The following ZDBF2 variants were observed in gnomAD, a reference collection of about 807,000 sequenced individuals.
ZDBF2 encodes DBF4-type zinc finger-containing protein 2.
ZDBF2 carries 6 observed loss-of-function variants against 9.4 expected under a neutral mutation model. The observed-to-expected ratio is 0.64, with a 90% CI of 0.35 to 1.27. The LOEUF is 1.27. ZDBF2 is among the 50% of genes most tolerant of loss of function. The probability of loss-of-function intolerance (pLI) is 0.03; values close to 1 mark genes in which losing one functional copy is unlikely to be tolerated. For synonymous variants in ZDBF2, 905 were observed against 946.3 expected (o/e 0.96, Z 0.80); for missense variants, 2,697 against 2,766.8 (o/e 0.97, Z 0.57).
At chr2:206,276,986 C>T (rs888609012) in intron 1 of ZDBF2, among the ~76,000 whole-genome samples, 2 of 152,102 alleles carry the variant, frequency 1.3e-5, no homozygotes, top group African/African-American at 4.8e-5. Context: ...TTTATGCATT[C>T]GGCCATTGTT....
At chr2:206,288,853 G>A (rs966127641) in intron 3 of ZDBF2, among the ~76,000 whole-genome samples, 1 of 152,100 alleles carries the variant, frequency 6.6e-6, no homozygotes, top group Non-Finnish European at 1.5e-5. Context: ...TCAGAGCTCA[G>A]TGGCAACTTA....
intron 4 of ZDBF2, 131 bp downstream of exon 4, chr2:206,297,504 C>A: frequency 1.1e-6 from 1 of 891,234 alleles, no homozygotes; most frequent in East Asian, 2.8e-5. Flanking sequence ...TAGTAACTTT[C>A]ATTTGCAATT....
At chr2:206,295,679 T>G (rs1262747468) in intron 3 of ZDBF2, among the ~76,000 whole-genome samples, 3 of 152,148 alleles carry the variant, frequency 2.0e-5, no homozygotes, top group Non-Finnish European at 4.4e-5. Context: ...CAGCCCAGTT[T>G]ACTCTAATTT....
rs1574367482 is a variant in ZDBF2 at position 206,275,461 on chromosome 2, T to C, written c.-103+515T>C. ...TAGTTTATTTGAAAACGTTTGATTT[T>C]TGTGTTAATGATTCTTTTACTACCG... On this transcript the variant is annotated intron_variant, in intron 1 of 4. Coordinates refer to ENST00000374423, the MANE Select transcript of ZDBF2 (RefSeq NM_020923.3). Among the ~76,000 whole-genome samples, 3 of 152,340 alleles carry C rather than the reference T, an allele frequency of 2.0e-5. No individual in the cohort carries two copies. In the East Asian group the frequency reaches 5.8e-4, roughly 29 times the overall value.
chr2:206,297,014 C>T (rs562637808), intron 3 of ZDBF2, among the ~76,000 whole-genome samples: 1 of 152,192 alleles, frequency 6.6e-6, no homozygotes, highest in East Asian at 1.9e-4. Context: ...ATCTTTTTTG[C>T]ATGAATCATT....
rs1321309401 is a variant in ZDBF2, at chr2:206,314,044, T to A, written c.*2451T>A. ...TTAATTTGCAGAATAGATAAAACAA[T>A]TGATGTTTTTGTGTGTTCAAGAATG... On this transcript the variant is annotated 3_prime_UTR_variant, in exon 5 of 5. Transcript: ENST00000374423. 1.3e-5 allele frequency: 2 copies of A among 152,156 alleles called. No homozygotes were observed. The highest frequency in any genetic ancestry group is 3.8e-4 in the East Asian group (2 of 5,198). 9.4% of individuals were successfully genotyped at this position (152,156 alleles called of 1,614,324 possible).
In ZDBF2 at chr2:206,306,935, G is replaced by T; in HGVS notation, c.2407G>T (p.Asp803Tyr). Reference protein sequence around the residue: ...DSDIPLYSVIDQPEVAVYEEE... With the variant: ...DSDIPLYSVIYQPEVAVYEEE... ...TGATATTCCTCTTTATTCAGTAATT[G>T]ACCAACCTGAAGTAGCTGTTTATGA... The change falls in exon 5 of 5, where the codon GAC (aspartate) becomes TAC (tyrosine). Residue 803 changes from aspartate (D) to tyrosine (Y), a missense_variant. Around this residue, in one of 3 missense-constraint regions of ZDBF2, gnomAD observed 910 missense variants for 973.6 expected, o/e 0.93. Coordinates refer to ENST00000374423, the MANE Select transcript of ZDBF2 (RefSeq NM_020923.3). The T allele has an allele frequency of 6.2e-7, 1 of 1,613,690 alleles. No individual in the cohort carries two copies. Among genetic ancestry groups the T allele is most frequent in the South Asian group, 1.1e-5 (1 of 91,028 alleles).
intron 4 of ZDBF2, among the ~76,000 whole-genome samples, chr2:206,302,930 A>G (rs1023788085): frequency 1.3e-5 from 2 of 152,132 alleles, no homozygotes; most frequent in Non-Finnish European, 2.9e-5. Flanking sequence ...TTTATAAACA[A>G]ACAGTTTTAG....
At chr2:206,299,712 A>C (rs1462919954) in intron 4 of ZDBF2, among the ~76,000 whole-genome samples, 1 of 152,098 alleles carries the variant, frequency 6.6e-6, no homozygotes, top group African/African-American at 2.4e-5. Context: ...ACTTGACTAC[A>C]GGAGTTGGAG....
At chr2:206,284,641 A>G (rs564428871) in intron 3 of ZDBF2, among the ~76,000 whole-genome samples, 2 of 152,256 alleles carry the variant, frequency 1.3e-5, no homozygotes, top group Non-Finnish European at 2.9e-5. Flanking sequence ...TCAGCATTCT[A>G]TTCTCTAGTT....
Position 206,307,325 on chromosome 2 carries a change from G to C in ZDBF2, c.2797G>C (p.Asp933His). The C allele has an allele frequency of 6.2e-7, 1 of 1,612,294 alleles. No homozygotes were observed. The highest frequency in any genetic ancestry group is 8.5e-7 in the Non-Finnish European group (1 of 1,179,458). ...TCATTCAGTGACTGGACGTTCTGAA[G>C]ATCCCATTAAAGAAATAAGCCTTCA... Reference protein sequence around the residue: ...IFHSVTGRSEDPIKEISLHTK... With the variant: ...IFHSVTGRSEHPIKEISLHTK... The change falls in exon 5 of 5, where the codon GAT becomes CAT. Residue 933 changes from aspartate (D) to histidine (H), a missense_variant. Transcript: ENST00000374423.
intron 3 of ZDBF2, among the ~76,000 whole-genome samples, chr2:206,295,367 T>TC (rs1172800383): frequency 4.2e-5 from 6 of 143,250 alleles, no homozygotes; most frequent in Admixed American, 1.4e-4. Flanking sequence ...TCTTTTCTTT[T>TC]TTTTTTTTTT....
At chr2:206,299,662 A>G (rs965792182) in intron 4 of ZDBF2, among the ~76,000 whole-genome samples, 1 of 152,034 alleles carries the variant, frequency 6.6e-6, no homozygotes, top group Non-Finnish European at 1.5e-5. Flanking sequence ...CCACAGTACA[A>G]TGATAAAAAC....
In ZDBF2 at chr2:206,305,235, G is replaced by C. The variant is rs762915058; in HGVS notation, c.707G>C (p.Arg236Thr). ...KYLEQPDGAS[R>T]NPVPSSHVET... ...CTTGAACAGCCAGATGGGGCCTCTAGAAATCCTGTGCCATCATCCCATGTA... is the reference window on the plus strand; with the variant it reads ...CTTGAACAGCCAGATGGGGCCTCTACAAATCCTGTGCCATCATCCCATGTA... Residue 236 changes from arginine (R) to threonine (T), a missense_variant, in exon 5 of 5, where the codon AGA (arginine) becomes ACA (threonine). Arg to Thr is a moderately conservative substitution (Grantham distance 71). Transcript: ENST00000374423. The C allele has an allele frequency of 6.2e-7, 1 of 1,613,784 alleles. No homozygotes were observed. The highest frequency in any genetic ancestry group is 8.5e-7 in the Non-Finnish European group (1 of 1,179,806).
intron 3 of ZDBF2, among the ~76,000 whole-genome samples, chr2:206,294,388 G>T (rs1692059124): frequency 6.6e-6 from 1 of 152,306 alleles, no homozygotes; most frequent in Non-Finnish European, 1.5e-5. Flanking sequence ...TAAAGGAACG[G>T]ATACCTTATA....
intron 3 of ZDBF2, among the ~76,000 whole-genome samples, chr2:206,287,283 A>G (rs1222571111): frequency 6.6e-6 from 1 of 152,116 alleles, no homozygotes. Flanking sequence ...GAATTCCTTC[A>G]GTTTTTGTTT....
rs756590641 is a variant in ZDBF2 at position 206,307,769 on chromosome 2, A to G, written c.3241A>G (p.Thr1081Ala). ...KNSKSGDSKI[T>A]FDSEQLQEAV... is the part of the protein sequence containing the mutation. ...CAGTAAATCAGGTGATTCTAAAATA[A>G]CTTTTGATTCTGAACAACTTCAGGA... is the stretch of plus-strand genomic sequence containing the variant. The change falls in exon 5 of 5, where the codon ACT (threonine) becomes GCT (alanine). Residue 1081 changes from threonine to alanine, a missense_variant. This residue lies in a region of ZDBF2 where 1,783 missense variants were observed against 1,776.5 expected (regional missense o/e 1.00). Transcript: ENST00000374423. The G allele has an allele frequency of 6.2e-6, 10 of 1,611,150 alleles. No homozygotes were observed. The highest frequency in any genetic ancestry group is 3.4e-5 in the Admixed American group (2 of 59,418).
chr2:206,298,029 A>C (rs1190260857), intron 4 of ZDBF2, among the ~76,000 whole-genome samples: 1 of 152,220 alleles, frequency 6.6e-6, no homozygotes, highest in Non-Finnish European at 1.5e-5. Context: ...ACAATAGCAG[A>C]GTAAGGACAA....
In ZDBF2 at chr2:206,297,348, C is replaced by A. The variant is rs1263537589; in HGVS notation, c.163C>A (p.His55Asn). The A allele has an allele frequency of 6.2e-7, 1 of 1,612,974 alleles. No homozygotes were observed. Among genetic ancestry groups the A allele is most frequent in the Non-Finnish European group, 8.5e-7 (1 of 1,179,596 alleles). Residue 55 changes from histidine (H) to asparagine (N), a missense_variant, in exon 4 of 5, where the codon CAC becomes AAC. His to Asn is a moderately conservative substitution (Grantham distance 68). Transcript: ENST00000374423. ...ERFLQDVLQH[H>N]PYHCQESSST... ...TTTCTTACAGGATGTACTGCAGCAC[C>A]ACCCATATCATTGTCAAGAGAGCAG...
Sources: gnomAD v4.1 joint callset for allele counts (sites outside exome capture counted in the v4.1 genomes callset) on GRCh38, gnomAD v4.1.1 for gene constraint, gnomAD v4.1.1 regional missense constraint, MANE v1.5 for transcripts, NCBI Gene and HGNC (gene_info 2026-07-23, HGNC 2026-07-21) for gene names.